CDKL5: variants seen among roughly 807,000 people sequenced by gnomAD.
CDKL5 encodes the protein cyclin dependent kinase like 5, also known as cyclin-dependent kinase-like 5.
A neutral mutation model predicts 61.7 loss-of-function variants in CDKL5; 8 were observed. The ratio of observed to expected loss-of-function variants is 0.13; its 90% CI spans 0.08 to 0.23. The LOEUF (loss-of-function observed/expected upper bound fraction) is 0.23. CDKL5 is among the 10% of genes least tolerant of loss of function. The probability of loss-of-function intolerance (pLI) is 1.00; values close to 1 mark genes in which losing one functional copy is unlikely to be tolerated. For synonymous variants in CDKL5, 275 were observed against 272.3 expected (o/e 1.01, Z -0.10); for missense variants, 440 against 734.5 (o/e 0.60, Z 4.63).
At chrX:18,428,787 G>T (rs999159766) in intron 1 of CDKL5, among the ~76,000 whole-genome samples, 2 of 108,419 alleles carry the variant, frequency 1.8e-5, no homozygotes, top group African/African-American at 6.7e-5. Context: ...TAAAGGAGGC[G>T]ACAGAATCTC....
chrX:18,537,477 T>G (rs1369798418), intron 3 of CDKL5, among the ~76,000 whole-genome samples: 1 of 112,193 alleles, frequency 8.9e-6, no homozygotes, highest in East Asian at 2.8e-4. Context: ...AAATGGACAT[T>G]GATGTATTTC....
At chrX:18,538,257 C>T (rs891231495) in intron 3 of CDKL5, among the ~76,000 whole-genome samples, 13 of 111,516 alleles carry the variant, frequency 1.2e-4, no homozygotes, top group Non-Finnish European at 2.4e-4. Flanking sequence ...GTGAAGTACC[C>T]GTGCCATTTT....
chrX:18,611,783 A>G (rs1926561513), intron 14 of CDKL5, among the ~76,000 whole-genome samples: 2 of 112,115 alleles, frequency 1.8e-5, no homozygotes, highest in African/African-American at 6.5e-5. Context: ...TTTTAATTTT[A>G]AAAATTTCAG....
chrX:18,616,011 A>G (rs1926702597), intron 15 of CDKL5, among the ~76,000 whole-genome samples: 1 of 111,692 alleles, frequency 9.0e-6, no homozygotes, highest in Non-Finnish European at 1.9e-5. Flanking sequence ...AATCATCTTT[A>G]CTAATAGGAT....
chrX:18,515,639 A>T (rs1055021061), intron 3 of CDKL5, among the ~76,000 whole-genome samples: 2 of 111,282 alleles, frequency 1.8e-5, no homozygotes, highest in African/African-American at 6.5e-5. Flanking sequence ...AATAAAAGAT[A>T]TATGAGTTTG....
At position 18,650,540 on chromosome X, in the gene CDKL5, G is replaced by A. The variant is rs140944590; in HGVS notation, c.2928G>A (p.Pro976=). The A allele has an allele frequency of 1.7e-5, 21 of 1,210,429 alleles. No homozygotes were observed. Among genetic ancestry groups the A allele is most frequent in the Middle Eastern group, 2.3e-4 (1 of 4,375 alleles). Residue 976 remains proline, a synonymous_variant, in exon 21 of 22, where the codon CCG becomes CCA. Coordinates refer to the CDKL5 transcript ENST00000379989. ...AGGTCCGAGGCACTTCCATGTGCCC[G>A]ACACTCCAGGTCCGAGGCACTGATG...
chrX:18,553,467 TGTG>T (rs1569208193), intron 3 of CDKL5, among the ~76,000 whole-genome samples: 19 of 84,785 alleles, frequency 2.2e-4, no homozygotes, highest in African/African-American at 8.6e-4. Flanking sequence ...TGTGTGTGCG[TGTG>T]TGTGTGTGTG....
rs773397660 is a variant in CDKL5 at position 18,631,309 on chromosome X, C to T, written c.*2552C>T. On this transcript the variant is annotated 3_prime_UTR_variant, in exon 18 of 18. Transcript: ENST00000623535. ...TACAAATGTTTTCAACCAGTGTTTT[C>T]GAGGTAGCTCTTTAATCCTCTTCTC... is the stretch of plus-strand genomic sequence containing the variant. 41 of 752,134 alleles carry T rather than the reference C, an allele frequency of 5.5e-5. No individual in the cohort carries two copies. In the South Asian group the frequency reaches 2.4e-3, roughly 45 times the overall value. The allele number at this position is 752,134 out of a possible 1,213,427, so 62.0% of individuals were successfully genotyped here. A position where few individuals can be genotyped will look rare whatever the true frequency, so the allele number is the denominator to read the frequency against.
chrX:18,564,583 T>A, intron 4 of CDKL5, 61 bp downstream of exon 4: 1 of 403,419 alleles, frequency 2.5e-6, no homozygotes, highest in Non-Finnish European at 3.7e-6. Context: ...CTGTATAAAG[T>A]TTTTATACAT....
chrX:18,560,170 A>G (rs903884677), intron 3 of CDKL5, among the ~76,000 whole-genome samples: 1 of 111,327 alleles, frequency 9.0e-6, no homozygotes, highest in African/African-American at 3.3e-5. Context: ...GCTGGGTCAA[A>G]TGGTATTTCT....
chrX:18,515,886 C>G, intron 3 of CDKL5, among the ~76,000 whole-genome samples: 1 of 111,346 alleles, frequency 9.0e-6, no homozygotes, highest in Non-Finnish European at 1.9e-5. Flanking sequence ...AATTGTGGAA[C>G]TAGGCTTTGA....
intron 1 of CDKL5, among the ~76,000 whole-genome samples, chrX:18,434,895 T>C (rs930177523): frequency 8.9e-6 from 1 of 111,879 alleles, no homozygotes. Flanking sequence ...ACCACTGTAC[T>C]CCAGCCTGGG....
intron 3 of CDKL5, among the ~76,000 whole-genome samples, chrX:18,525,288 G>A (rs1423944713): frequency 9.0e-6 from 1 of 110,967 alleles, no homozygotes; most frequent in Non-Finnish European, 1.9e-5. Context: ...TAGTAGAGAT[G>A]GGGTTTCAGC....
chrX:18,509,247 C>A (rs1309895544), intron 2 of CDKL5, among the ~76,000 whole-genome samples: 2 of 70,178 alleles, frequency 2.8e-5, no homozygotes, highest in East Asian at 4.9e-4. Context: ...ACACACACAC[C>A]CCTGTCAAGC....
intron 5 of CDKL5, among the ~76,000 whole-genome samples, chrX:18,576,053 T>G (rs1331409821): frequency 1.8e-5 from 2 of 112,246 alleles, no homozygotes; most frequent in African/African-American, 6.5e-5. Flanking sequence ...TTAAAAAATG[T>G]TCAACTTGTT....
rs191912811 is a variant in CDKL5, at chrX:18,633,985, C to T, written c.*5228C>T. 2.2e-4 allele frequency: 166 copies of T among 752,012 alleles called. No individual in the cohort carries two copies. Among genetic ancestry groups the T allele is most frequent in the Non-Finnish European group, 2.5e-4 (161 of 638,809 alleles). 62.0% of individuals were successfully genotyped at this position (752,012 alleles called of 1,213,427 possible). A position where few individuals can be genotyped will look rare whatever the true frequency, so the allele number is the denominator to read the frequency against. ...TTTGCCAGAAAAAAATTGTAATAGT[C>T]GGCACGCTGGATTTGTAGGGCCAGC... On this transcript the variant is annotated 3_prime_UTR_variant, in exon 18 of 18. Coordinates refer to ENST00000623535, the MANE Select transcript of CDKL5 (RefSeq NM_001323289.2).
chrX:18,620,781 C>A (rs944602481), intron 16 of CDKL5, among the ~76,000 whole-genome samples: 5 of 111,300 alleles, frequency 4.5e-5, no homozygotes, highest in African/African-American at 1.6e-4. Context: ...AGGGTCTCAC[C>A]CTGTTGCCCA....
intron 1 of CDKL5, among the ~76,000 whole-genome samples, chrX:18,453,454 G>A (rs1241547748): frequency 3.6e-5 from 4 of 111,343 alleles, no homozygotes; most frequent in Non-Finnish European, 7.5e-5. Flanking sequence ...TGGACATAAA[G>A]TTTTTGTGTA....
rs764733935 is a variant in CDKL5, at chrX:18,560,259, A to T, written c.100-4218A>T. ...TTTACAGTCCCACCAACAGTGTAAA[A>T]GTGTTCCTATTTCTCCACATCCTCT... On this transcript the variant is annotated intron_variant, in intron 3 of 17. Coordinates refer to ENST00000623535, the MANE Select transcript of CDKL5 (RefSeq NM_001323289.2). 5.2e-3 allele frequency among the ~76,000 whole-genome samples: 579 copies of T among 111,624 alleles called. 3 individuals are homozygous for T. Among genetic ancestry groups the T allele is most frequent in the African/African-American group, 0.019 (568 of 30,693 alleles).
Sources: allele counts gnomAD v4.1 joint callset (sites outside exome capture counted in the v4.1 genomes callset), GRCh38; gene constraint gnomAD v4.1.1; transcripts MANE v1.5; gene names NCBI Gene and HGNC (gene_info 2026-07-23, HGNC 2026-07-21).